RUNDC3B: variants seen among roughly 807,000 people sequenced by gnomAD.
RUNDC3B encodes RUN domain containing 3B.
In RUNDC3B, 33 loss-of-function variants were observed where a neutral mutation model predicts 58.4. The ratio of observed to expected loss-of-function variants is 0.56; its 90% CI spans 0.43 to 0.75. The LOEUF (loss-of-function observed/expected upper bound fraction) is 0.75. RUNDC3B is among the 30% of genes least tolerant of loss of function. RUNDC3B has a pLI of 0.00. For synonymous variants in RUNDC3B, 193 were observed against 195.2 expected, an observed-to-expected ratio of 0.99 and a Z score of 0.10; for missense variants, 501 against 535.7, an observed-to-expected ratio of 0.94 and a Z score of 0.64.
intron 4 of RUNDC3B, among the ~76,000 whole-genome samples, chr7:87,736,871 ATATATATATATATATATATTTTTT>A (rs1293754048): frequency 2.1e-4 from 8 of 37,950 alleles, no homozygotes; most frequent in African/African-American, 7.7e-4. Context: ...ATATATATAT[ATATATATATATATATATATTTTTT>A]TTTTTTTTTT....
At position 87,816,434 on chromosome 7, in the gene RUNDC3B, G is replaced by A. The variant is rs74332929; in HGVS notation, c.1225+172G>A. Among the ~76,000 whole-genome samples, 473 of 151,960 alleles carry A rather than the reference G, an allele frequency of 3.1e-3. 7 individuals are homozygous for A. The East Asian group carries it at 0.049, about 16-fold the overall frequency. ...TTGTGTCTTTCTCGTGTGTGTGTGG[G>A]GGGGGCTAACCTTCTCAAAACACTT... On this transcript the variant is annotated intron_variant, in intron 10 of 10. Transcript: ENST00000394654.
At chr7:87,672,662 A>G (rs1158676771) in intron 2 of RUNDC3B, among the ~76,000 whole-genome samples, 1 of 152,126 alleles carries the variant, frequency 6.6e-6, no homozygotes, top group African/African-American at 2.4e-5. Context: ...CCAAGACTCC[A>G]TGTAGCTCTG....
At chr7:87,813,652 T>C (rs1836848536) in intron 9 of RUNDC3B, among the ~76,000 whole-genome samples, 1 of 152,120 alleles carries the variant, frequency 6.6e-6, no homozygotes, top group Non-Finnish European at 1.5e-5. Context: ...ACTTTTTAAA[T>C]TCCTATGTTC....
intron 8 of RUNDC3B, among the ~76,000 whole-genome samples, chr7:87,788,952 A>G (rs544975768): frequency 3.9e-5 from 6 of 152,196 alleles, no homozygotes; most frequent in Non-Finnish European, 8.8e-5. Flanking sequence ...ATAATAAGGC[A>G]TGTTCTCTTT....
At chr7:87,802,471 A>C (rs921873931) in intron 8 of RUNDC3B, among the ~76,000 whole-genome samples, 1 of 152,186 alleles carries the variant, frequency 6.6e-6, no homozygotes, top group African/African-American at 2.4e-5. Context: ...ACACAAAAAA[A>C]ATTAGAAAGA....
In RUNDC3B at chr7:87,721,583, A is replaced by G. The variant is rs151039581; in HGVS notation, c.458+10928A>G. The stretch of plus-strand genomic sequence containing the variant: ...AGCATGAGGACTACATTTGGACTAT[A>G]TACCTTCAAGCTCAAAACAAACACA... On this transcript the variant is annotated intron_variant, in intron 4 of 10. Coordinates refer to ENST00000394654, the MANE Select transcript of RUNDC3B (RefSeq NM_001134405.2). Among the ~76,000 whole-genome samples the G allele has an allele frequency of 4.8e-3, 727 of 152,292 alleles. 3 individuals carry two copies. The highest frequency in any genetic ancestry group is 0.017 in the African/African-American group (696 of 41,584).
At position 87,791,672 on chromosome 7, in the gene RUNDC3B, A is replaced by G. The variant is rs544414768; in HGVS notation, c.956+13717A>G. Among the ~76,000 whole-genome samples, 13 of 152,172 alleles carry G rather than the reference A, an allele frequency of 8.5e-5. No individual in the cohort carries two copies. The South Asian group carries it at 2.5e-3, about 29-fold the overall frequency. ...TTAAAATAATGGGTTATAAGACAGAATTTGGAAGCCTGATGGTAACTACAA... is the reference window on the plus strand; with the variant it reads ...TTAAAATAATGGGTTATAAGACAGAGTTTGGAAGCCTGATGGTAACTACAA... On this transcript the variant is annotated intron_variant, in intron 8 of 10. Transcript: ENST00000394654.
chr7:87,683,257 T>C (rs1438076064), intron 2 of RUNDC3B, among the ~76,000 whole-genome samples: 1 of 152,202 alleles, frequency 6.6e-6, no homozygotes, highest in Non-Finnish European at 1.5e-5. Context: ...CACTCAAACT[T>C]TCTTCATATC....
intron 2 of RUNDC3B, among the ~76,000 whole-genome samples, chr7:87,656,821 T>C (rs1343026632): frequency 6.6e-6 from 1 of 152,218 alleles, no homozygotes; most frequent in Non-Finnish European, 1.5e-5. Context: ...AAATTTCAAG[T>C]TACTCATTCA....
At chr7:87,628,974 G>T in intron 1 of RUNDC3B, 29 bp downstream of exon 1, 1 of 1,306,062 alleles carries the variant, frequency 7.7e-7, no homozygotes, top group South Asian at 3.3e-5. Flanking sequence ...AGGGGAACCA[G>T]CCTCCCGCCG....
At chr7:87,680,413 G>A (rs376421260) in intron 2 of RUNDC3B, among the ~76,000 whole-genome samples, 4 of 150,786 alleles carry the variant, frequency 2.7e-5, no homozygotes, top group East Asian at 3.9e-4. Context: ...TGCAATTAAA[G>A]CAGCACTTAG....
intron 2 of RUNDC3B, among the ~76,000 whole-genome samples, chr7:87,686,170 T>A (rs1315909076): frequency 6.6e-6 from 1 of 152,226 alleles, no homozygotes; most frequent in Non-Finnish European, 1.5e-5. Context: ...TCTTACAATT[T>A]TTCTATTCTC....
chr7:87,763,673 A>G (rs1385441312), intron 6 of RUNDC3B, among the ~76,000 whole-genome samples: 1 of 151,746 alleles, frequency 6.6e-6, no homozygotes. Flanking sequence ...ATTGTGAAAT[A>G]CATTTAATTT....
intron 6 of RUNDC3B, among the ~76,000 whole-genome samples, chr7:87,759,712 T>C (rs1833571500): frequency 6.7e-6 from 1 of 149,888 alleles, no homozygotes; most frequent in African/African-American, 2.5e-5. Context: ...GGGAGGGGAT[T>C]GCTTAAGCTC....
chr7:87,716,848 A>AT (rs1830581601), intron 4 of RUNDC3B, among the ~76,000 whole-genome samples: 2 of 152,140 alleles, frequency 1.3e-5, no homozygotes, highest in Admixed American at 6.6e-5. Flanking sequence ...TACTTCTATG[A>AT]TTTTTTAAGA....
chr7:87,688,025 T>C (rs1190139025), intron 2 of RUNDC3B, among the ~76,000 whole-genome samples: 6 of 152,116 alleles, frequency 3.9e-5, no homozygotes, highest in African/African-American at 9.7e-5. Flanking sequence ...TAAAATCCCA[T>C]ATACTCAGGC....
rs552057859 is a variant in RUNDC3B, at chr7:87,685,073, C to CA, written c.239-15340dup. ...AACAACAAAAGTACAATCCATTAAACAAAAAAAATTGATAAAGTGGACTTC... is the reference window on the plus strand; with the variant it reads ...AACAACAAAAGTACAATCCATTAAACAAAAAAAAATTGATAAAGTGGACTTC... On this transcript the variant is annotated intron_variant, in intron 2 of 10. Transcript: ENST00000394654. Among the ~76,000 whole-genome samples the CA allele has an allele frequency of 2.2e-4, 33 of 151,610 alleles. No homozygotes were observed. The East Asian group carries it at 3.5e-3, about 16-fold the overall frequency.
chr7:87,727,632 A>C (rs764568562), intron 4 of RUNDC3B, among the ~76,000 whole-genome samples: 12 of 152,184 alleles, frequency 7.9e-5, no homozygotes, highest in Non-Finnish European at 1.5e-4. Context: ...GACTAGGAAA[A>C]AAAATCTGCA....
At chr7:87,683,048 TG>T (rs1827084622) in intron 2 of RUNDC3B, among the ~76,000 whole-genome samples, 1 of 152,314 alleles carries the variant, frequency 6.6e-6, no homozygotes, top group South Asian at 2.1e-4. Context: ...TTCACCTTTT[TG>T]TTTTATTATT....
Sources: gnomAD v4.1 joint callset for allele counts (sites outside exome capture counted in the v4.1 genomes callset) on GRCh38, gnomAD v4.1.1 for gene constraint, MANE v1.5 for transcripts, NCBI Gene and HGNC (gene_info 2026-07-23, HGNC 2026-07-21) for gene names.